LUZP2: variants seen among roughly 807,000 people sequenced by gnomAD.
The protein encoded by LUZP2 is leucine zipper protein 2.
LUZP2 carries 52 observed loss-of-function variants against 51.6 expected under a neutral mutation model. That is an observed-to-expected ratio of 1.01 (90% CI 0.81 to 1.27). The LOEUF is 1.27. Among genes scored for constraint, LUZP2 ranks in the 50% most tolerant of loss-of-function variants. LUZP2 has a pLI of 0.00. For missense variants in LUZP2, 436 were observed against 395.4 expected (o/e 1.10, Z -0.87); for synonymous variants, 154 against 137.3 (o/e 1.12, Z -0.85).
chr11:24,622,265 C>A, intron 1 of LUZP2, among the ~76,000 whole-genome samples: 1 of 151,660 alleles, frequency 6.6e-6, no homozygotes, highest in Non-Finnish European at 1.5e-5. Context: ...TCTCCTAATG[C>A]TATCCCTCCC....
chr11:24,962,759 A>G (rs1354153993), intron 7 of LUZP2, among the ~76,000 whole-genome samples: 1 of 152,014 alleles, frequency 6.6e-6, no homozygotes, highest in Non-Finnish European at 1.5e-5. Flanking sequence ...TCTTCTCTCA[A>G]CTCGTCAAAG....
At chr11:24,984,248 T>C (rs139471913) in intron 9 of LUZP2, among the ~76,000 whole-genome samples, 275 of 151,582 alleles carry the variant, frequency 1.8e-3, no homozygotes, top group African/African-American at 6.2e-3. Context: ...TACATCTGGC[T>C]TTCTTACTGC....
chr11:25,021,355 A>G (rs1462108186), intron 9 of LUZP2, among the ~76,000 whole-genome samples: 1 of 152,046 alleles, frequency 6.6e-6, no homozygotes, highest in Non-Finnish European at 1.5e-5. Context: ...GCACAAAAAA[A>G]CAAGATCAGG....
intron 1 of LUZP2, among the ~76,000 whole-genome samples, chr11:24,668,450 T>G (rs1279612550): frequency 6.6e-6 from 1 of 152,144 alleles, no homozygotes; most frequent in African/African-American, 2.4e-5. Flanking sequence ...ACAAATGACA[T>G]GCTGAAAGGT....
At chr11:24,797,586 G>A (rs1398520732) in intron 5 of LUZP2, among the ~76,000 whole-genome samples, 1 of 152,118 alleles carries the variant, frequency 6.6e-6, no homozygotes, top group East Asian at 1.9e-4. Flanking sequence ...TTGCCTCCTG[G>A]TGATAAACCT....
intron 1 of LUZP2, among the ~76,000 whole-genome samples, chr11:24,700,348 G>A (rs1857388240): frequency 6.6e-6 from 1 of 152,126 alleles, no homozygotes; most frequent in Non-Finnish European, 1.5e-5. Flanking sequence ...ACAGGCATAA[G>A]CCACCACGCC....
intron 1 of LUZP2, among the ~76,000 whole-genome samples, chr11:24,546,896 T>C (rs909832900): frequency 2.6e-5 from 4 of 152,052 alleles, no homozygotes; most frequent in Middle Eastern, 3.4e-3. Flanking sequence ...TGTGAATCTA[T>C]CTGGTCCTGT....
chr11:24,557,298 A>G (rs1386411163), intron 1 of LUZP2, among the ~76,000 whole-genome samples: 1 of 152,228 alleles, frequency 6.6e-6, no homozygotes, highest in African/African-American at 2.4e-5. Flanking sequence ...AATATGTAAT[A>G]GAGATGTCAG....
chr11:25,011,862 A>C (rs1856993919), intron 9 of LUZP2, among the ~76,000 whole-genome samples: 1 of 151,748 alleles, frequency 6.6e-6, no homozygotes, highest in Non-Finnish European at 1.5e-5. Context: ...TCTTTTCTAG[A>C]GAGAGAATAT....
At chr11:24,979,122 A>T (rs1258655934) in intron 8 of LUZP2, among the ~76,000 whole-genome samples, 1 of 151,850 alleles carries the variant, frequency 6.6e-6, no homozygotes, top group Non-Finnish European at 1.5e-5. Context: ...AATTACACGT[A>T]GCCAAAAATT....
intron 1 of LUZP2, among the ~76,000 whole-genome samples, chr11:24,630,444 G>A (rs927751479): frequency 3.6e-4 from 55 of 152,050 alleles, no homozygotes; most frequent in African/African-American, 1.3e-3. Context: ...ATTACAAAGG[G>A]TGTCTTTTCT....
At chr11:24,696,213 G>A (rs1390531321) in intron 1 of LUZP2, among the ~76,000 whole-genome samples, 2 of 151,966 alleles carry the variant, frequency 1.3e-5, no homozygotes, top group African/African-American at 2.4e-5. Context: ...TTTGGGGAAG[G>A]ACAAGACTAA....
At chr11:25,042,219 A>ATT (rs61615401) in intron 9 of LUZP2, among the ~76,000 whole-genome samples, 16 of 151,480 alleles carry the variant, frequency 1.1e-4, no homozygotes, top group African/African-American at 3.1e-4. Flanking sequence ...TATGCATGCT[A>ATT]TTTTTTTTAA....
At chr11:24,860,266 G>GTGAGTTACCCT (rs1851699095) in intron 5 of LUZP2, among the ~76,000 whole-genome samples, 2 of 152,104 alleles carry the variant, frequency 1.3e-5, no homozygotes, top group Non-Finnish European at 2.9e-5. Flanking sequence ...AGTAACCCCA[G>GTGAGTTACCCT]GCAGAGGCTC....
At chr11:24,837,248 A>T (rs1564966220) in intron 5 of LUZP2, among the ~76,000 whole-genome samples, 1 of 151,728 alleles carries the variant, frequency 6.6e-6, no homozygotes, top group Non-Finnish European at 1.5e-5. Flanking sequence ...TGACTTGTTA[A>T]ACTATGTTAA....
chr11:24,534,725 G>T (rs1851119067), intron 1 of LUZP2, among the ~76,000 whole-genome samples: 1 of 151,290 alleles, frequency 6.6e-6, no homozygotes, highest in African/African-American at 2.4e-5. Context: ...TTCTGAAGAG[G>T]AAGAGAATTT....
At chr11:24,668,151 T>C (rs1317287185) in intron 1 of LUZP2, among the ~76,000 whole-genome samples, 2 of 152,230 alleles carry the variant, frequency 1.3e-5, no homozygotes, top group Non-Finnish European at 1.5e-5. Context: ...ATATGAAAGT[T>C]TGATTGAATT....
chr11:24,636,846 G>A (rs1049899836), intron 1 of LUZP2, among the ~76,000 whole-genome samples: 1 of 149,262 alleles, frequency 6.7e-6, no homozygotes, highest in African/African-American at 2.6e-5. Context: ...TTTACATGAG[G>A]TAATATGAAA....
chr11:24,809,103 T>G (rs1849942711), intron 5 of LUZP2, among the ~76,000 whole-genome samples: 1 of 152,124 alleles, frequency 6.6e-6, no homozygotes, highest in African/African-American at 2.4e-5. Flanking sequence ...CGCCTGGCAA[T>G]GTGGAAATGT....
Sources: allele counts gnomAD v4.1 joint callset (sites outside exome capture counted in the v4.1 genomes callset), GRCh38; gene constraint gnomAD v4.1.1; transcripts MANE v1.5; gene names NCBI Gene and HGNC (gene_info 2026-07-23, HGNC 2026-07-21).